GRIK2: variants seen among roughly 807,000 people sequenced by gnomAD.
GRIK2 encodes glutamate ionotropic receptor kainate type subunit 2.
Under a neutral mutation model 100.3 loss-of-function variants are expected in GRIK2, and 32 were observed. That is an observed-to-expected ratio of 0.32 (90% confidence interval 0.24 to 0.43). The LOEUF (loss-of-function observed/expected upper bound fraction) is 0.43. GRIK2 is among the 20% of genes least tolerant of loss of function. GRIK2 has a pLI of 1.00. For missense variants in GRIK2, 843 were observed against 1,114.9 expected (o/e 0.76, Z 3.47); for synonymous variants, 417 against 389.4 (o/e 1.07, Z -0.83).
intron 9 of GRIK2, among the ~76,000 whole-genome samples, chr6:101,802,852 A>G (rs1298898940): frequency 6.6e-6 from 1 of 151,808 alleles, no homozygotes; most frequent in Non-Finnish European, 1.5e-5. Flanking sequence ...CTATTTTTTG[A>G]GTCATATTTA....
intron 2 of GRIK2, among the ~76,000 whole-genome samples, chr6:101,572,543 T>A (rs550919564): frequency 6.6e-6 from 1 of 152,222 alleles, no homozygotes; most frequent in African/African-American, 2.4e-5. Context: ...TGCTTTGCCA[T>A]CACAAGGCCA....
At chr6:101,642,853 G>T (rs1781345553) in intron 4 of GRIK2, among the ~76,000 whole-genome samples, 1 of 151,544 alleles carries the variant, frequency 6.6e-6, no homozygotes. Context: ...CCTACCAACA[G>T]TGCACAAGAG....
At chr6:102,065,752 C>T (rs1771986361) in intron 16 of GRIK2, 2 of 1,302,374 alleles carry the variant, frequency 1.5e-6, no homozygotes, top group East Asian at 5.6e-5. Flanking sequence ...AAGTTTTGAC[C>T]ATGTTATGTC....
intron 2 of GRIK2, among the ~76,000 whole-genome samples, chr6:101,439,199 A>T (rs900499066): frequency 6.6e-6 from 1 of 152,060 alleles, no homozygotes; most frequent in Non-Finnish European, 1.5e-5. Context: ...GATTATTCTT[A>T]CTGTTCATTG....
chr6:101,585,061 C>T lies in GRIK2; in HGVS notation c.116-36888C>T, dbSNP rs898151581. ...GAAGTAGAAAAATCCAACTCAAATACTTATTTCTCAGCTATATGAATAATT... is the reference window on the plus strand; with the variant it reads ...GAAGTAGAAAAATCCAACTCAAATATTTATTTCTCAGCTATATGAATAATT... On this transcript the variant is annotated intron_variant, in intron 2 of 16. Coordinates refer to ENST00000369134, the MANE Select transcript of GRIK2 (RefSeq NM_021956.5). Among the ~76,000 whole-genome samples the T allele has an allele frequency of 2.0e-5, 3 of 151,932 alleles. No homozygotes were observed. The East Asian group carries it at 5.8e-4, about 29-fold the overall frequency.
In GRIK2 at chr6:101,954,990, ATATAT is replaced by A. The variant is rs1204570327; in HGVS notation, c.2085+26365_2085+26369del. Among the ~76,000 whole-genome samples the A allele has an allele frequency of 3.3e-5, 5 of 152,132 alleles. 1 individual carries two copies. The highest frequency in any genetic ancestry group is 1.2e-4 in the African/African-American group (5 of 41,518). ...ATTTTTCCTTTATTTTACTGATAAA[ATATAT>A]TATATTTATTTGTTTGTGCACTTTA... On this transcript the variant is annotated intron_variant, in intron 14 of 16. Coordinates refer to ENST00000369134, the MANE Select transcript of GRIK2 (RefSeq NM_021956.5).
chr6:101,864,575 T>C (rs1006706378), intron 11 of GRIK2, among the ~76,000 whole-genome samples: 4 of 152,180 alleles, frequency 2.6e-5, no homozygotes, highest in Admixed American at 6.5e-5. Context: ...AGTTGGGACA[T>C]GAATGCATTG....
rs560045458 is a variant in GRIK2, at chr6:101,419,110, AC to A, written c.115+19719del. ...TTATCTGACTCTTTTTCTGGGGTAG[AC>A]AGCTATGATGACTTTTTGTTTTTCT... On this transcript the variant is annotated intron_variant, in intron 2 of 16. Coordinates refer to ENST00000369134, the MANE Select transcript of GRIK2 (RefSeq NM_021956.5). Among the ~76,000 whole-genome samples the A allele has an allele frequency of 2.8e-3, 427 of 152,290 alleles. 1 individual carries two copies. The highest frequency in any genetic ancestry group is 9.9e-3 in the African/African-American group (413 of 41,560).
At chr6:101,559,549 G>A (rs529236815) in intron 2 of GRIK2, among the ~76,000 whole-genome samples, 4 of 152,188 alleles carry the variant, frequency 2.6e-5, no homozygotes, top group African/African-American at 4.8e-5. Flanking sequence ...TTAACTGTAA[G>A]TATCTAAAAG....
At chr6:101,681,559 C>A (rs1411869098) in intron 5 of GRIK2, among the ~76,000 whole-genome samples, 1 of 151,920 alleles carries the variant, frequency 6.6e-6, no homozygotes, top group Non-Finnish European at 1.5e-5. Flanking sequence ...ATGTTACAAA[C>A]AATCCATTTA....
chr6:102,055,213 A>G, intron 15 of GRIK2, 117 bp from the exon 16 acceptor site: 1 of 666,540 alleles, frequency 1.5e-6, no homozygotes, highest in Non-Finnish European at 2.5e-6. Context: ...CTTCTGAAAA[A>G]ACATTGGCAC....
intron 2 of GRIK2, among the ~76,000 whole-genome samples, chr6:101,617,644 A>T (rs1446531173): frequency 6.6e-5 from 10 of 151,790 alleles, no homozygotes; most frequent in Admixed American, 6.6e-4. Context: ...TGTATATAAA[A>T]TTGTTTCAAA....
At chr6:101,921,884 GA>G (rs1173407868) in intron 12 of GRIK2, among the ~76,000 whole-genome samples, 1 of 152,004 alleles carries the variant, frequency 6.6e-6, no homozygotes, top group Non-Finnish European at 1.5e-5. Flanking sequence ...GTATCTTTTG[GA>G]AGCTTTATCC....
At chr6:101,701,368 G>T (rs1005610233) in intron 7 of GRIK2, among the ~76,000 whole-genome samples, 4 of 151,964 alleles carry the variant, frequency 2.6e-5, no homozygotes. Flanking sequence ...CCTGTGTCAG[G>T]GGTCTTACGA....
At chr6:102,060,451 C>T (rs113983466) in intron 16 of GRIK2, among the ~76,000 whole-genome samples, 52 of 150,554 alleles carry the variant, frequency 3.5e-4, no homozygotes, top group African/African-American at 8.7e-4. Flanking sequence ...AAGGAAAACA[C>T]GTAGCAAAGC....
At chr6:101,733,519 C>A (rs1775420166) in intron 7 of GRIK2, among the ~76,000 whole-genome samples, 1 of 152,024 alleles carries the variant, frequency 6.6e-6, no homozygotes, top group Non-Finnish European at 1.5e-5. Flanking sequence ...CTGGACTCTG[C>A]TGGAATGGCT....
intron 14 of GRIK2, among the ~76,000 whole-genome samples, chr6:102,025,806 C>T (rs1408401383): frequency 6.6e-6 from 1 of 150,858 alleles, no homozygotes; most frequent in African/African-American, 2.4e-5. Flanking sequence ...TTATTTATAC[C>T]AAGCTGGTGG....
chr6:101,840,433 A>T (rs1783418445), intron 10 of GRIK2, among the ~76,000 whole-genome samples: 1 of 152,154 alleles, frequency 6.6e-6, no homozygotes. Context: ...TCTTCATTTG[A>T]GATTTATTGG....
intron 4 of GRIK2, among the ~76,000 whole-genome samples, chr6:101,652,335 T>G (rs903466387): frequency 6.6e-6 from 1 of 152,140 alleles, no homozygotes; most frequent in Non-Finnish European, 1.5e-5. Context: ...TCCTTCTATC[T>G]GTGAGGATAC....
Sources: gnomAD v4.1 joint callset for allele counts (sites outside exome capture counted in the v4.1 genomes callset) on GRCh38, gnomAD v4.1.1 for gene constraint, MANE v1.5 for transcripts, NCBI Gene and HGNC (gene_info 2026-07-23, HGNC 2026-07-21) for gene names.